The following IGDCC4 variants were observed in gnomAD, a reference collection of about 807,000 sequenced individuals.
The protein encoded by IGDCC4 is likely ortholog of mouse neighbor of Punc E11.
IGDCC4 carries 72 observed loss-of-function variants against 116.6 expected under a neutral mutation model. The ratio of observed to expected loss-of-function variants is 0.62; its 90% CI spans 0.51 to 0.75. IGDCC4 has a LOEUF of 0.75. Among genes scored for constraint, IGDCC4 ranks in the 30% least tolerant of loss-of-function variants. The pLI is 0.00. For synonymous variants in IGDCC4, 709 were observed against 719.9 expected (o/e 0.98, Z 0.24); for missense variants, 1,501 against 1,662.4 (o/e 0.90, Z 1.69).
At position 65,412,727 on chromosome 15, in the gene IGDCC4, G is replaced by A. The variant is rs537051238; in HGVS notation, c.71-1357C>T. On this transcript the variant is annotated intron_variant, in intron 1 of 19. Transcript: ENST00000352385. ...ACAGCAGGATTGCTTAAGCCCAGGA[G>A]TTTGAAACCAGCCTGGGTAACACAG... Among the ~76,000 whole-genome samples the A allele has an allele frequency of 6.6e-5, 10 of 151,668 alleles. No homozygotes were observed. In the South Asian group the frequency reaches 1.9e-3, roughly 29 times the overall value.
Position 65,392,356 on chromosome 15 carries a change from C to T in IGDCC4, c.1900G>A (p.Ala634Thr). The T allele has an allele frequency of 1.3e-6, 2 of 1,537,130 alleles. No individual in the cohort carries two copies. Among genetic ancestry groups the T allele is most frequent in the Non-Finnish European group, 1.8e-6 (2 of 1,138,938 alleles). ...HNQSHVPFAPAELKVQAKMES... is the reference protein window; with the variant it reads ...HNQSHVPFAPTELKVQAKMES... ...ATCTTTGCCTGCACCTTCAACTCTG[C>T]AGGGGCAAAAGGGACTGGGGGGCAG... Residue 634 changes from alanine to threonine, a missense_variant, in exon 11 of 20, where the codon GCA (alanine) becomes ACA (threonine). Transcript: ENST00000352385.
In IGDCC4 at chr15:65,402,497, A is replaced by G. The variant is rs1595787191; in HGVS notation, c.564-10T>C. ...GGGAAGCACGATGAGCCTTGGGAAG[A>G]GGGGAGCAGGCAACTGTGAGGTGGG... On this transcript the variant is annotated splice_polypyrimidine_tract_variant and intron_variant, in intron 3 of 19. Transcript: ENST00000352385. 3 of 1,564,260 alleles carry G rather than the reference A, an allele frequency of 1.9e-6. No individual in the cohort carries two copies. Among genetic ancestry groups the G allele is most frequent in the Non-Finnish European group, 2.6e-6 (3 of 1,153,488 alleles).
At chr15:65,387,443 G>A (rs1449877048) in intron 16 of IGDCC4, among the ~76,000 whole-genome samples, 2 of 152,108 alleles carry the variant, frequency 1.3e-5, no homozygotes, top group African/African-American at 2.4e-5. Flanking sequence ...CCTCCTCCCG[G>A]GTTCACGCCA....
chr15:65,420,848 C>A (rs975721094), intron 1 of IGDCC4, among the ~76,000 whole-genome samples: 1 of 152,134 alleles, frequency 6.6e-6, no homozygotes, highest in African/African-American at 2.4e-5. Context: ...GGTGTAGGAG[C>A]CCCTCCTTCC....
In IGDCC4 at chr15:65,386,016, G is replaced by T. The variant is rs1418611982; in HGVS notation, c.2995C>A (p.Pro999Thr). The T allele has an allele frequency of 6.4e-7, 1 of 1,566,678 alleles. No homozygotes were observed. Among genetic ancestry groups the T allele is most frequent in the Non-Finnish European group, 8.6e-7 (1 of 1,160,612 alleles). Reference protein sequence around the residue: ...GLSSTATPGNPALYSRARLGP... With the variant: ...GLSSTATPGNTALYSRARLGP... Reference sequence around the variant, plus strand: ...AGCCGAGCTCTGGAGTACAGCGCGGGATTCCCGGGGGTGGCGGTGGAGGAC... The same window carrying T: ...AGCCGAGCTCTGGAGTACAGCGCGGTATTCCCGGGGGTGGCGGTGGAGGAC... The change falls in exon 18 of 20, where the codon CCC (proline) becomes ACC (threonine). Residue 999 changes from proline (P) to threonine (T), a missense_variant. By Grantham distance (38) the Pro-to-Thr change is conservative. Coordinates refer to ENST00000352385, the MANE Select transcript of IGDCC4 (RefSeq NM_020962.3).
chr15:65,405,803 T>G (rs539010493), intron 3 of IGDCC4, among the ~76,000 whole-genome samples: 9 of 152,342 alleles, frequency 5.9e-5, no homozygotes, highest in African/African-American at 2.2e-4. Flanking sequence ...TAAAAGCTAC[T>G]TATAAAATGA....
At chr15:65,406,669 T>C (rs1355946804) in intron 3 of IGDCC4, among the ~76,000 whole-genome samples, 1 of 152,244 alleles carries the variant, frequency 6.6e-6, no homozygotes, top group African/African-American at 2.4e-5. Context: ...AATACATACC[T>C]TGGGCATAAT....
At chr15:65,413,582 C>G (rs1467999435) in intron 1 of IGDCC4, among the ~76,000 whole-genome samples, 1 of 152,344 alleles carries the variant, frequency 6.6e-6, no homozygotes, top group East Asian at 1.9e-4. Flanking sequence ...TATTCATAGA[C>G]AAATGGTTGG....
intron 5 of IGDCC4, among the ~76,000 whole-genome samples, chr15:65,397,729 A>T (rs1567085838): frequency 1.3e-5 from 2 of 152,142 alleles, no homozygotes; most frequent in Non-Finnish European, 2.9e-5. Context: ...ACTTGAGAAC[A>T]TTTTTAAAAA....
intron 1 of IGDCC4, among the ~76,000 whole-genome samples, chr15:65,412,636 C>T (rs1191239877): frequency 6.6e-6 from 1 of 150,816 alleles, no homozygotes; most frequent in East Asian, 2.0e-4. Flanking sequence ...CAAAAATATG[C>T]CACTGGAGGC....
In IGDCC4 at chr15:65,386,047, T is replaced by C; in HGVS notation, c.2964A>G (p.Pro988=). The change falls in exon 18 of 20, where the codon CCA becomes CCG. Residue 988 remains proline, a synonymous_variant. Coordinates refer to ENST00000352385, the MANE Select transcript of IGDCC4 (RefSeq NM_020962.3). ...CGGGGGTGGCGGTGGAGGACAGGCC[T>C]GGGAGGGATTCCCTGGAAGGGAAGA... The part of the protein sequence containing the change: ...LRRSPHRESL[P]GLSSTATPGN... 1 of 1,517,456 alleles carries C rather than the reference T, an allele frequency of 6.6e-7. No individual in the cohort carries two copies. Among genetic ancestry groups the C allele is most frequent in the Non-Finnish European group, 8.8e-7 (1 of 1,135,416 alleles). 94.0% of individuals were successfully genotyped at this position (1,517,456 alleles called of 1,614,324 possible).
chr15:65,396,173 C>A lies in IGDCC4; in HGVS notation c.998-10G>T. 6.7e-7 allele frequency: 1 copy of A among 1,494,226 alleles called. No homozygotes were observed. Among genetic ancestry groups the A allele is most frequent in the Non-Finnish European group, 8.9e-7 (1 of 1,127,344 alleles). The allele number at this position is 1,494,226 out of a possible 1,614,324, so 92.6% of individuals were successfully genotyped here. A position where few individuals can be genotyped will look rare whatever the true frequency, so the allele number is the denominator to read the frequency against. ...GTGATGGCGGGAGCCGCTAGGGGCG[C>A]GAGGGGCGACGCTGAGCGCGGGATC... On this transcript the variant is annotated splice_polypyrimidine_tract_variant and intron_variant, in intron 6 of 19. Transcript: ENST00000352385.
At chr15:65,406,567 C>T (rs78236773) in intron 3 of IGDCC4, among the ~76,000 whole-genome samples, 1 of 152,124 alleles carries the variant, frequency 6.6e-6, no homozygotes, top group African/African-American at 2.4e-5. Context: ...ACATGTGCCA[C>T]GTTACACCAA....
rs2062883573 is a variant in IGDCC4, at chr15:65,393,188, A to G, written c.1885+173T>C. 6.6e-6 allele frequency among the ~76,000 whole-genome samples: 1 copy of G among 152,166 alleles called. No homozygotes were observed. Among genetic ancestry groups the G allele is most frequent in the Non-Finnish European group, 1.5e-5 (1 of 68,040 alleles). On this transcript the variant is annotated intron_variant, in intron 10 of 19. Transcript: ENST00000352385. This position sits in a 1 kb window ranked among gnomAD's most constrained non-coding sequence, Gnocchi z 4.6. ...TCACACAGCAAATCGAAGGGACACC[A>G]GATCCCAGCCCTTCACCTCTGCACC...
In IGDCC4 at chr15:65,393,892, C is replaced by A. The variant is rs2062893269; in HGVS notation, c.1715-361G>T. Among the ~76,000 whole-genome samples, 1 of 152,216 alleles carries A rather than the reference C, an allele frequency of 6.6e-6. No individual in the cohort carries two copies. The highest frequency in any genetic ancestry group is 1.5e-5 in the Non-Finnish European group (1 of 68,030). ...CAGCAAGAACGCCTGGCTTCCAGAG[C>A]CCTGAGGGCCACCATGGCCACTTCC... On this transcript the variant is annotated intron_variant, in intron 9 of 19. Coordinates refer to ENST00000352385, the MANE Select transcript of IGDCC4 (RefSeq NM_020962.3). This position sits in a 1 kb window ranked among gnomAD's most constrained non-coding sequence, Gnocchi z 4.6.
At chr15:65,394,586 C>T (rs758409718) in intron 8 of IGDCC4, 38 bp from the exon 9 acceptor site, 34 of 1,546,274 alleles carry the variant, frequency 2.2e-5, no homozygotes, top group Non-Finnish European at 2.7e-5. Context: ...TCTGCTCCAC[C>T]GACGTGGAAG....
intron 2 of IGDCC4, chr15:65,410,553 A>G (rs553083061): frequency 6.9e-6 from 4 of 576,828 alleles, no homozygotes; most frequent in African/African-American, 3.7e-5. Flanking sequence ...ATGATGGTCA[A>G]ACTATACAGT....
At chr15:65,389,788 T>C (rs1215742129) in intron 13 of IGDCC4, among the ~76,000 whole-genome samples, 3 of 152,210 alleles carry the variant, frequency 2.0e-5, no homozygotes, top group Admixed American at 6.5e-5. Flanking sequence ...CCTCAGGCTC[T>C]GTCTCCCCAT....
In IGDCC4 at chr15:65,393,356, C is replaced by T. The variant is rs374156390; in HGVS notation, c.1885+5G>A. The T allele has an allele frequency of 7.3e-5, 117 of 1,606,988 alleles. No individual in the cohort carries two copies. Among genetic ancestry groups the T allele is most frequent in the Middle Eastern group, 1.7e-4 (1 of 6,012 alleles). ...CACTGTCCTGTCTCTCCTCTAACCC[C>T]GTACCATGGCTCTGGTTGTGCATAC... On this transcript the variant is annotated splice_donor_5th_base_variant and intron_variant, in intron 10 of 19. Transcript: ENST00000352385. The surrounding 1 kb of genome is among the most constrained non-coding windows in gnomAD (Gnocchi z 4.6).
Sources: allele counts gnomAD v4.1 joint callset (sites outside exome capture counted in the v4.1 genomes callset), GRCh38; gene constraint gnomAD v4.1.1; non-coding constraint Gnocchi (gnomAD v3.1); transcripts MANE v1.5; gene names NCBI Gene and HGNC (gene_info 2026-07-23, HGNC 2026-07-21).